Variants in ANKRD11 observed in about 807,000 individuals in gnomAD.
ANKRD11 encodes ankyrin repeat domain-containing protein 11.
A neutral mutation model predicts 195.7 loss-of-function variants in ANKRD11; 17 were observed. The ratio of observed to expected loss-of-function variants is 0.09; its 90% CI spans 0.06 to 0.13. The LOEUF (loss-of-function observed/expected upper bound fraction) is 0.13. Among genes scored for constraint, ANKRD11 ranks in the 10% least tolerant of loss-of-function variants. ANKRD11 has a pLI of 1.00. For synonymous variants in ANKRD11, 1,953 were observed against 1,528.1 expected (o/e 1.28, Z -6.49); for missense variants, 3,735 against 3,566.1 (o/e 1.05, Z -1.21).
At chr16:89,317,259 C>T (rs1736236883) in intron 2 of ANKRD11, among the ~76,000 whole-genome samples, 181 bp from the exon 3 acceptor site, 1 of 152,192 alleles carries the variant, frequency 6.6e-6, no homozygotes, top group Non-Finnish European at 1.5e-5. Flanking sequence ...AAAGGGGTCA[C>T]CAGCAACAGG....
intron 2 of ANKRD11, among the ~76,000 whole-genome samples, chr16:89,341,462 A>C (rs2038655576): frequency 6.6e-6 from 1 of 152,188 alleles, no homozygotes; most frequent in Non-Finnish European, 1.5e-5. Flanking sequence ...AGGTTCCAGA[A>C]GGCCTGTGTG....
At chr16:89,426,399 G>A (rs1358939402) in intron 1 of ANKRD11, among the ~76,000 whole-genome samples, 4 of 151,992 alleles carry the variant, frequency 2.6e-5, no homozygotes, top group African/African-American at 4.8e-5. Flanking sequence ...CAGGAGGCCC[G>A]GCTCCACAAG....
chr16:89,442,700 C>A (rs1038648286), intron 1 of ANKRD11, among the ~76,000 whole-genome samples: 1 of 152,224 alleles, frequency 6.6e-6, no homozygotes, highest in Non-Finnish European at 1.5e-5. Context: ...TTCCTCCCCA[C>A]CACCCACCAG....
rs145374196 is a variant in ANKRD11 at position 89,326,440 on chromosome 16, C to G, written c.-59-9362G>C. 3.8e-3 allele frequency among the ~76,000 whole-genome samples: 581 copies of G among 151,666 alleles called. 2 individuals carry two copies. The highest frequency in any genetic ancestry group is 0.014 in the African/African-American group (561 of 41,422). On this transcript the variant is annotated intron_variant, in intron 2 of 12. Coordinates refer to ENST00000301030, the MANE Select transcript of ANKRD11 (RefSeq NM_013275.6). ...AGCAACCACCCACCCACTGCTCAAT[C>G]TACCCCCAAATTACACAAATAGGGC... is the stretch of plus-strand genomic sequence containing the variant.
Position 89,305,193 on chromosome 16 carries a change from C to T in ANKRD11, c.226+13G>A, listed in dbSNP as rs376558558. 1.2e-5 allele frequency: 19 copies of T among 1,609,744 alleles called. No individual in the cohort carries two copies. Among genetic ancestry groups the T allele is most frequent in the East Asian group, 4.5e-5 (2 of 44,876 alleles). ...GTGGAGGGCTGACTGCAGGAGGGGC[C>T]GCGGGCTGGTACCTGTGTCCGAGTC... On this transcript the variant is annotated intron_variant, in intron 4 of 12. Transcript: ENST00000301030.
chr16:89,278,851 C>G, intron 9 of ANKRD11: 1 of 776,850 alleles, frequency 1.3e-6, no homozygotes, highest in Non-Finnish European at 2.2e-6. Context: ...AGGCCTGGCA[C>G]GGACCAGCTG....
intron 2 of ANKRD11, among the ~76,000 whole-genome samples, chr16:89,404,227 C>T (rs2041818701): frequency 1.3e-5 from 2 of 152,098 alleles, no homozygotes; most frequent in African/African-American, 4.8e-5. Context: ...CCAGTTTGGC[C>T]GACTGTAGAA....
chr16:89,353,760 G>A (rs915651289), intron 2 of ANKRD11, among the ~76,000 whole-genome samples: 5 of 152,150 alleles, frequency 3.3e-5, no homozygotes, highest in Non-Finnish European at 5.9e-5. Context: ...GATTACAGGC[G>A]TGAGCCACTA....
chr16:89,331,089 G>A (rs1419471306), intron 2 of ANKRD11, among the ~76,000 whole-genome samples: 1 of 152,080 alleles, frequency 6.6e-6, no homozygotes, highest in Non-Finnish European at 1.5e-5. Context: ...GAGTAGCTGG[G>A]ACTACAGGTG....
At chr16:89,288,995 C>A in intron 6 of ANKRD11, 2 of 443,798 alleles carry the variant, frequency 4.5e-6, no homozygotes, top group South Asian at 2.2e-5. Context: ...TCATCCTCAC[C>A]GATCTGGAGG....
chr16:89,442,561 G>A (rs1416892618), intron 1 of ANKRD11, among the ~76,000 whole-genome samples: 2 of 152,110 alleles, frequency 1.3e-5, no homozygotes, highest in African/African-American at 4.8e-5. Flanking sequence ...AAACAAACCT[G>A]TTTCCACCAG....
At chr16:89,442,473 G>A (rs140313141) in intron 1 of ANKRD11, among the ~76,000 whole-genome samples, 8 of 152,068 alleles carry the variant, frequency 5.3e-5, no homozygotes, top group Admixed American at 2.0e-4. Context: ...TCCCACAAAC[G>A]CCCCTTTATG....
intron 1 of ANKRD11, among the ~76,000 whole-genome samples, chr16:89,454,070 G>C (rs1027603269): frequency 2.0e-5 from 3 of 152,152 alleles, no homozygotes; most frequent in Non-Finnish European, 2.9e-5. Context: ...CTTCCACAAT[G>C]CAAATGACAT....
chr16:89,285,312 C>T lies in ANKRD11; in HGVS notation c.1230G>A (p.Thr410=), dbSNP rs753208256. ...TGACACTCGCGTCCTCCTCGTCCGA[C>T]GTGTCTGACAGGATACGATGGGACG... ...KKASHRILSD[T]SDEEDASVTV... The change falls in exon 9 of 13, where the codon ACG becomes ACA. Residue 410 remains threonine, a synonymous_variant. Transcript: ENST00000301030. The surrounding 1 kb of genome is among the most constrained non-coding windows in gnomAD (Gnocchi z 5.6). 1.1e-5 allele frequency: 18 copies of T among 1,613,830 alleles called. No individual in the cohort carries two copies. Among genetic ancestry groups the T allele is most frequent in the African/African-American group, 4.0e-5 (3 of 74,912 alleles).
chr16:89,277,127 C>G (rs981485186), intron 9 of ANKRD11, among the ~76,000 whole-genome samples: 2 of 152,140 alleles, frequency 1.3e-5, no homozygotes, highest in African/African-American at 4.8e-5. Context: ...CTGTTCAGCA[C>G]CACATCCACC....
At chr16:89,319,853 T>G (rs966235181) in intron 2 of ANKRD11, 13 of 152,482 alleles carry the variant, frequency 8.5e-5, no homozygotes, top group African/African-American at 3.1e-4. Context: ...CAGTTGCTTT[T>G]GTTCTGTTCC....
chr16:89,380,692 T>C (rs574651986), intron 2 of ANKRD11, among the ~76,000 whole-genome samples: 1 of 152,250 alleles, frequency 6.6e-6, no homozygotes, highest in African/African-American at 2.4e-5. Flanking sequence ...AAGGAAAGCC[T>C]GACGAGTACC....
chr16:89,471,782 CAAAAAAAAAAAAAA>C (rs56391654), intron 1 of ANKRD11, among the ~76,000 whole-genome samples: 5 of 53,492 alleles, frequency 9.3e-5, no homozygotes, highest in South Asian at 8.4e-4. Context: ...GACTCTGTCT[CAAAAAAAAAAAAAA>C]AAAAAAAAAA....
At chr16:89,457,114 T>C (rs1165567660) in intron 1 of ANKRD11, among the ~76,000 whole-genome samples, 5 of 150,132 alleles carry the variant, frequency 3.3e-5, no homozygotes, top group South Asian at 2.1e-4. Context: ...CGCCCGCCAC[T>C]ACGCCCGGCT....
Sources: gnomAD v4.1 joint callset for allele counts (sites outside exome capture counted in the v4.1 genomes callset) on GRCh38, gnomAD v4.1.1 for gene constraint, Gnocchi (gnomAD v3.1) non-coding constraint, MANE v1.5 for transcripts, NCBI Gene and HGNC (gene_info 2026-07-23, HGNC 2026-07-21) for gene names.